Variants in GJB7 observed in about 807,000 individuals in gnomAD.
GJB7 encodes the protein gap junction beta-7 protein.
For missense variants in GJB7, 253 were observed against 256.8 expected, an observed-to-expected ratio of 0.99 and a Z score of 0.10; for synonymous variants, 87 against 95.2, an observed-to-expected ratio of 0.91 and a Z score of 0.50.
At chr6:87,307,422 A>G (rs1446765800) in intron 2 of GJB7, among the ~76,000 whole-genome samples, 6 of 152,176 alleles carry the variant, frequency 3.9e-5, no homozygotes, top group Non-Finnish European at 7.3e-5. Context: ...AGAAACTACC[A>G]TCAGAGTGAA....
At chr6:87,324,877 C>T (rs1373559651) in intron 1 of GJB7, among the ~76,000 whole-genome samples, 1 of 152,194 alleles carries the variant, frequency 6.6e-6, no homozygotes, top group Non-Finnish European at 1.5e-5. Flanking sequence ...GCCATTTTCA[C>T]AATGTTGATT....
In GJB7 at chr6:87,283,780, T is replaced by C. The variant is rs1776010614; in HGVS notation, c.*461A>G. 1 of 154,088 alleles carries C rather than the reference T, an allele frequency of 6.5e-6. No homozygotes were observed. Among genetic ancestry groups the C allele is most frequent in the Non-Finnish European group, 1.4e-5 (1 of 69,348 alleles). The allele number at this position is 154,088 out of a possible 1,614,324, so 9.5% of individuals were successfully genotyped here. ...GTCACTTTTTATATTTTCCAGTTCA[T>C]TGTGCACCAATTGTAATGAGATAGT... On this transcript the variant is annotated 3_prime_UTR_variant, in exon 3 of 3. Transcript: ENST00000525899.
At position 87,286,501 on chromosome 6, in the gene GJB7, C is replaced by T. The variant is rs576394879; in HGVS notation, c.-27-1562G>A. Among the ~76,000 whole-genome samples the T allele has an allele frequency of 3.3e-5, 5 of 152,328 alleles. No individual in the cohort carries two copies. The South Asian group carries it at 1.0e-3, about 32-fold the overall frequency. Reference sequence around the variant, plus strand: ...TTCCAGTCTCATTATCTCCTTCCCTCCCCTTCTAGTACATCCACGATGCTA... The same window carrying T: ...TTCCAGTCTCATTATCTCCTTCCCTTCCCTTCTAGTACATCCACGATGCTA... On this transcript the variant is annotated intron_variant, in intron 2 of 2. Transcript: ENST00000525899.
rs200859026 is a variant in GJB7 at position 87,295,374 on chromosome 6, AATG to A, written c.-27-10438_-27-10436del. Among the ~76,000 whole-genome samples, 1,274 of 152,290 alleles carry A rather than the reference AATG, an allele frequency of 8.4e-3. 7 individuals are homozygous for A. Among genetic ancestry groups the A allele is most frequent in the Middle Eastern group, 0.017 (5 of 294 alleles). ...AGGAATGCAATAATCATTACTTAGT[AATG>A]ATTGACATTTGTGACATCAAATCTG... On this transcript the variant is annotated intron_variant, in intron 2 of 2. Transcript: ENST00000525899.
At chr6:87,289,032 T>C (rs1001040993) in intron 2 of GJB7, among the ~76,000 whole-genome samples, 3 of 152,192 alleles carry the variant, frequency 2.0e-5, no homozygotes, top group East Asian at 3.8e-4. Flanking sequence ...CAAACACTTA[T>C]CTGGACAACA....
intron 1 of GJB7, among the ~76,000 whole-genome samples, chr6:87,327,137 C>G (rs549256006): frequency 1.3e-5 from 2 of 151,438 alleles, no homozygotes; most frequent in East Asian, 3.9e-4. Flanking sequence ...TTCCTCCATC[C>G]TTTTATTTTG....
intron 2 of GJB7, among the ~76,000 whole-genome samples, chr6:87,309,634 T>C (rs1401127319): frequency 2.0e-5 from 3 of 152,204 alleles, no homozygotes; most frequent in Non-Finnish European, 4.4e-5. Flanking sequence ...AAGAAAATAT[T>C]GATTTTTTTT....
intron 1 of GJB7, among the ~76,000 whole-genome samples, chr6:87,328,231 G>A (rs1277469177): frequency 4.6e-5 from 7 of 152,110 alleles, no homozygotes; most frequent in African/African-American, 1.7e-4. Flanking sequence ...TAATTTGATC[G>A]TGTGAAGCCT....
intron 2 of GJB7, chr6:87,322,612 G>C (rs1314544123): frequency 2.6e-5 from 4 of 152,428 alleles, no homozygotes; most frequent in Non-Finnish European, 4.4e-5. Context: ...CGGGCGAGGA[G>C]AGGAGGTGAC....
At chr6:87,319,580 A>G (rs945504988) in intron 2 of GJB7, among the ~76,000 whole-genome samples, 2 of 152,254 alleles carry the variant, frequency 1.3e-5, no homozygotes, top group African/African-American at 4.8e-5. Flanking sequence ...TACTGCAGTA[A>G]CAGCTTTTTA....
intron 2 of GJB7, among the ~76,000 whole-genome samples, chr6:87,288,472 A>G (rs72916556): frequency 0.026 from 3,991 of 152,266 alleles, 94 homozygotes; most frequent in Non-Finnish European, 0.042. Flanking sequence ...CTCTACATAT[A>G]TGTCAATGAC....
At chr6:87,321,213 C>T (rs242283) in intron 2 of GJB7, among the ~76,000 whole-genome samples, 55,568 of 141,556 alleles carry the variant, frequency 0.39, 11,903 homozygotes, top group Non-Finnish European at 0.48. Flanking sequence ...AGTGACACTC[C>T]GACACTCCAT....
At position 87,301,005 on chromosome 6, in the gene GJB7, T is replaced by A. The variant is rs552417785; in HGVS notation, c.-27-16066A>T. On this transcript the variant is annotated intron_variant, in intron 2 of 2. Transcript: ENST00000525899. ...GAAAATAAATGACAAGATGGAAAAT[T>A]TCATCAGAGGATGAAAATACATTTA... Among the ~76,000 whole-genome samples the A allele has an allele frequency of 3.3e-5, 5 of 152,294 alleles. No individual in the cohort carries two copies. In the South Asian group the frequency reaches 6.2e-4, roughly 19 times the overall value.
chr6:87,304,974 A>AAT lies in GJB7; in HGVS notation c.-28+17891_-28+17892insAT, dbSNP rs2127904726. The stretch of plus-strand genomic sequence containing the variant: ...GAAAAGGCCTTTGAGAAAATTCAAC[A>AAT]GCCCTTCATGCTAAAAACTCTCAAT... On this transcript the variant is annotated intron_variant, in intron 2 of 2. Transcript: ENST00000525899. Among the ~76,000 whole-genome samples the AAT allele has an allele frequency of 3.3e-5, 5 of 152,348 alleles. No homozygotes were observed. The South Asian group carries it at 1.0e-3, about 32-fold the overall frequency.
At chr6:87,308,410 G>A (rs981575907) in intron 2 of GJB7, among the ~76,000 whole-genome samples, 20 of 151,982 alleles carry the variant, frequency 1.3e-4, no homozygotes, top group African/African-American at 2.2e-4. Context: ...TTAATATCCC[G>A]TAACTGAAAT....
At position 87,284,290 on chromosome 6, in the gene GJB7, TTAA is replaced by T. The variant is rs774757288; in HGVS notation, c.620_622del (p.Ile207del). The T allele has an allele frequency of 1.2e-6, 2 of 1,613,992 alleles. No homozygotes were observed. Among genetic ancestry groups the T allele is most frequent in the Non-Finnish European group, 1.7e-6 (2 of 1,179,944 alleles). On this transcript the variant is annotated inframe_deletion, in exon 3 of 3. Coordinates refer to ENST00000525899, the MANE Select transcript of GJB7 (RefSeq NM_198568.3). ...TTTTAAATATTTTTGGAGACAGCAC[TTAA>T]TAAAGCACTTGAGAACCAAAAAACT... is the stretch of plus-strand genomic sequence containing the variant.
chr6:87,284,343 A>T lies in GJB7; in HGVS notation c.570T>A (p.Cys190Ter). Residue 190 changes from cysteine (C) to a stop codon, truncating the protein, a stop_gained, in exon 3 of 3, where the codon TGT (cysteine) becomes TGA (stop). Coordinates refer to ENST00000525899, the MANE Select transcript of GJB7 (RefSeq NM_198568.3). LOFTEE classifies it low-confidence loss of function (END_TRUNC). ...ILFLVITSCL[C>*]IVLNFIELSF... ...TCAGTTCAATGAAATTCAACACAAT[A>T]CACAAGCATGAGGTGATGACCAAGA... is the stretch of plus-strand genomic sequence containing the variant. The T allele has an allele frequency of 6.2e-7, 1 of 1,614,068 alleles. No individual in the cohort carries two copies.
At chr6:87,321,276 AT>A (rs1776655391) in intron 2 of GJB7, among the ~76,000 whole-genome samples, 1 of 151,910 alleles carries the variant, frequency 6.6e-6, no homozygotes, top group Non-Finnish European at 1.5e-5. Flanking sequence ...TTTCTATAGA[AT>A]GTAAGTTTTC....
chr6:87,292,460 A>G (rs1231581585), intron 2 of GJB7, among the ~76,000 whole-genome samples: 6 of 151,100 alleles, frequency 4.0e-5, no homozygotes, highest in Non-Finnish European at 8.9e-5. Flanking sequence ...AATAAATGTA[A>G]TGTATACTAT....
Sources: allele counts gnomAD v4.1 joint callset (sites outside exome capture counted in the v4.1 genomes callset), GRCh38; gene constraint gnomAD v4.1.1; transcripts MANE v1.5; gene names NCBI Gene and HGNC (gene_info 2026-07-23, HGNC 2026-07-21).